Variants in MBP observed in about 807,000 individuals in gnomAD.
MBP encodes myelin basic protein.
A neutral mutation model predicts 35.8 loss-of-function variants in MBP; 16 were observed. That is an observed-to-expected ratio of 0.45 (90% CI 0.30 to 0.68). The LOEUF is 0.68. Among genes scored for constraint, MBP ranks in the 30% least tolerant of loss-of-function variants. The probability of loss-of-function intolerance (pLI) is 0.08; values close to 1 mark genes in which losing one functional copy is unlikely to be tolerated. For missense variants in MBP, 380 were observed against 404.7 expected, an observed-to-expected ratio of 0.94 and a Z score of 0.52; for synonymous variants, 143 against 159.6, an observed-to-expected ratio of 0.90 and a Z score of 0.78.
rs1969717938 is a variant in MBP at position 76,988,752 on chromosome 18, C to T, written c.717+125G>A. 7.4e-7 allele frequency: 1 copy of T among 1,358,366 alleles called. No homozygotes were observed. The highest frequency in any genetic ancestry group is 1.0e-6 in the Non-Finnish European group (1 of 980,940). 84.1% of individuals were successfully genotyped at this position (1,358,366 alleles called of 1,614,324 possible). ...CCGACCTGTTCTACTTGGGAGCTGCCTGGCAACACGTTTTGGGATGGATTC... is the reference window on the plus strand; with the variant it reads ...CCGACCTGTTCTACTTGGGAGCTGCTTGGCAACACGTTTTGGGATGGATTC... On this transcript the variant is annotated intron_variant, in intron 6 of 8. Coordinates refer to ENST00000355994, the MANE Select transcript of MBP (RefSeq NM_001025101.2). The surrounding 1 kb of genome is among the most constrained non-coding windows in gnomAD (Gnocchi z 5.2).
At position 77,105,402 on chromosome 18, in the gene MBP, C is replaced by T. The variant is rs576404141; in HGVS notation, c.-25-116G>A. ...TATGTAATGCCCATTTTTGAGAAGACGAAACCAAGGCCCTGAAAACAGAAG... is the reference window on the plus strand; with the variant it reads ...TATGTAATGCCCATTTTTGAGAAGATGAAACCAAGGCCCTGAAAACAGAAG... On this transcript the variant is annotated intron_variant, in intron 1 of 8. Transcript: ENST00000355994. 117 of 597,336 alleles carry T rather than the reference C, an allele frequency of 2.0e-4. 1 individual carries two copies. Among genetic ancestry groups the T allele is most frequent in the South Asian group, 7.6e-4 (47 of 61,522 alleles). The allele number at this position is 597,336 out of a possible 1,614,324, so 37.0% of individuals were successfully genotyped here. A position where few individuals can be genotyped will look rare whatever the true frequency, so the allele number is the denominator to read the frequency against.
intron 3 of MBP, 127 bp from the exon 4 acceptor site, chr18:77,017,395 A>C: frequency 1.2e-6 from 1 of 834,304 alleles, no homozygotes; most frequent in Non-Finnish European, 1.7e-6. Flanking sequence ...CAGTCCTCAT[A>C]AAGCCCTTGG....
intron 3 of MBP, among the ~76,000 whole-genome samples, chr18:77,028,292 A>G (rs1294154894): frequency 2.2e-5 from 3 of 137,424 alleles, no homozygotes; most frequent in Admixed American, 7.6e-5. Context: ...TGTTTCAGAG[A>G]GCACAGGGTT....
chr18:76,985,576 G>T, intron 7 of MBP: 1 of 1,097,206 alleles, frequency 9.1e-7, no homozygotes, highest in East Asian at 7.5e-5. Flanking sequence ...GCAACAGGAG[G>T]CCGGGGCTGC....
rs568803717 is a variant in MBP, at chr18:77,101,493, T to A, written c.51+3718A>T. The stretch of plus-strand genomic sequence containing the variant: ...TCCATCCGCATGAGTGAATCATGAG[T>A]CAGGAGGGCAGGCTGCCCACTCCTC... On this transcript the variant is annotated intron_variant, in intron 2 of 8. Transcript: ENST00000355994. This position sits in a 1 kb window ranked among gnomAD's most constrained non-coding sequence, Gnocchi z 4.3. Among the ~76,000 whole-genome samples the A allele has an allele frequency of 6.6e-6, 1 of 152,160 alleles. No homozygotes were observed. Among genetic ancestry groups the A allele is most frequent in the East Asian group, 1.9e-4 (1 of 5,170 alleles).
intron 3 of MBP, among the ~76,000 whole-genome samples, chr18:77,023,518 G>T (rs1406412712): frequency 6.6e-6 from 1 of 152,040 alleles, no homozygotes; most frequent in Non-Finnish European, 1.5e-5. Flanking sequence ...GGATCCCTTC[G>T]TGGGTTCCAC....
At chr18:77,014,451 G>A (rs1195187702) in intron 4 of MBP, 1 of 985,346 alleles carries the variant, frequency 1.0e-6, no homozygotes, top group African/African-American at 1.7e-5. Flanking sequence ...AGGCCGCCGT[G>A]GTCCTGAGAG....
chr18:77,053,408 G>A (rs953583537), intron 3 of MBP, among the ~76,000 whole-genome samples: 5 of 152,218 alleles, frequency 3.3e-5, no homozygotes, highest in Non-Finnish European at 7.3e-5. Context: ...GCTCCGCTAC[G>A]GGGGCTGGCT....
At chr18:77,108,326 GA>G (rs1976342711) in intron 1 of MBP, 1 of 152,238 alleles carries the variant, frequency 6.6e-6, no homozygotes, top group Admixed American at 6.5e-5. Context: ...GAGAGAGCCA[GA>G]GAAAAATTGG....
Position 76,989,824 on chromosome 18 carries a change from C to T in MBP, c.681+132G>A, listed in dbSNP as rs1393809476. The T allele has an allele frequency of 9.8e-6, 7 of 716,866 alleles. No homozygotes were observed. Among genetic ancestry groups the T allele is most frequent in the East Asian group, 2.8e-5 (1 of 36,314 alleles). The allele number at this position is 716,866 out of a possible 1,614,324, so 44.4% of individuals were successfully genotyped here. A position where few individuals can be genotyped will look rare whatever the true frequency, so the allele number is the denominator to read the frequency against. ...GATCAGGTGCGAGGGGGGAGTTCCCCGGCCGGCCTCACCCTGATGATGACC... is the reference window on the plus strand; with the variant it reads ...GATCAGGTGCGAGGGGGGAGTTCCCTGGCCGGCCTCACCCTGATGATGACC... On this transcript the variant is annotated intron_variant, in intron 5 of 8. Transcript: ENST00000355994. The surrounding 1 kb of genome is among the most constrained non-coding windows in gnomAD (Gnocchi z 4.0).
intron 3 of MBP, among the ~76,000 whole-genome samples, chr18:77,039,397 T>C (rs1410478557): frequency 6.6e-6 from 1 of 152,150 alleles, no homozygotes; most frequent in East Asian, 1.9e-4. Context: ...GAAGCCAGGG[T>C]GAGAGACTAT....
At chr18:77,104,957 A>G (rs1369169024) in intron 2 of MBP, among the ~76,000 whole-genome samples, 1 of 151,436 alleles carries the variant, frequency 6.6e-6, no homozygotes, top group African/African-American at 2.4e-5. Flanking sequence ...CCCTTCCTTC[A>G]TTCCTTTATT....
intron 2 of MBP, among the ~76,000 whole-genome samples, chr18:77,094,389 C>T (rs893994843): frequency 6.6e-6 from 1 of 152,222 alleles, no homozygotes; most frequent in African/African-American, 2.4e-5. Flanking sequence ...TTGGGGGGTG[C>T]ATCACATCCA....
chr18:77,128,783 G>C (rs1977143529), intron 1 of MBP, among the ~76,000 whole-genome samples: 1 of 152,178 alleles, frequency 6.6e-6, no homozygotes, highest in African/African-American at 2.4e-5. Flanking sequence ...TATGCACACA[G>C]ACCAGGTTTT....
chr18:76,987,606 T>C (rs1221946076), intron 7 of MBP: 1 of 985,558 alleles, frequency 1.0e-6, no homozygotes, highest in African/African-American at 1.7e-5. Context: ...TTCATTTATA[T>C]GATGCTTATT....
chr18:77,033,757 C>T (rs1002537359), intron 3 of MBP, among the ~76,000 whole-genome samples: 93 of 120,568 alleles, frequency 7.7e-4, no homozygotes, highest in Non-Finnish European at 1.2e-3. Flanking sequence ...CATCAATCCA[C>T]CCATCCATCC....
intron 4 of MBP, among the ~76,000 whole-genome samples, chr18:76,994,040 T>A (rs1261848742): frequency 6.6e-6 from 1 of 152,250 alleles, no homozygotes; most frequent in Non-Finnish European, 1.5e-5. Context: ...AGTGACCAGT[T>A]GTATTTAGTC....
chr18:77,014,523 C>T, intron 4 of MBP: 1 of 985,386 alleles, frequency 1.0e-6, no homozygotes, highest in Non-Finnish European at 1.2e-6. Flanking sequence ...AAGGACCTTC[C>T]TAGCATATAA....
intron 3 of MBP, among the ~76,000 whole-genome samples, chr18:77,047,298 C>T (rs1973297632): frequency 6.6e-6 from 1 of 152,226 alleles, no homozygotes; most frequent in South Asian, 2.1e-4. Context: ...AGAATATCCT[C>T]CTGTCGTAAG....
Sources: allele counts gnomAD v4.1 joint callset (sites outside exome capture counted in the v4.1 genomes callset), GRCh38; gene constraint gnomAD v4.1.1; non-coding constraint Gnocchi (gnomAD v3.1); transcripts MANE v1.5; gene names NCBI Gene and HGNC (gene_info 2026-07-23, HGNC 2026-07-21).